Variants in SPATA13 observed in about 807,000 individuals in gnomAD.
SPATA13 encodes the protein spermatogenesis associated 13.
A neutral mutation model predicts 104.0 loss-of-function variants in SPATA13; 50 were observed. The ratio of observed to expected loss-of-function variants is 0.48; its 90% CI spans 0.38 to 0.61. The LOEUF (loss-of-function observed/expected upper bound fraction) is 0.61. Ranked by LOEUF, SPATA13 falls within the 20% of genes least tolerant of loss-of-function variation. The pLI is 0.00. For synonymous variants in SPATA13, 606 were observed against 667.5 expected (o/e 0.91, Z 1.42); for missense variants, 1,524 against 1,690.6 (o/e 0.90, Z 1.73).
At chr13:24,182,858 G>C (rs187732009) in intron 1 of SPATA13, among the ~76,000 whole-genome samples, 138 of 152,134 alleles carry the variant, frequency 9.1e-4, no homozygotes, top group African/African-American at 3.1e-3. Flanking sequence ...CACATCAGTC[G>C]GGCCAGGTAA....
At chr13:24,127,035 G>A (rs547409193) in intron 3 of SPATA13, among the ~76,000 whole-genome samples, 3 of 152,262 alleles carry the variant, frequency 2.0e-5, no homozygotes, top group African/African-American at 7.2e-5. Flanking sequence ...GACCAGTTCC[G>A]AGGTTTGTAT....
Position 24,223,605 on chromosome 13 carries a change from A to G in SPATA13, c.676A>G (p.Ile226Val), listed in dbSNP as rs1871738292. The G allele has an allele frequency of 5.8e-6, 9 of 1,551,176 alleles. No homozygotes were observed. Among genetic ancestry groups the G allele is most frequent in the Non-Finnish European group, 7.8e-6 (9 of 1,147,038 alleles). The change falls in exon 2 of 13, where the codon ATA becomes GTA. Residue 226 changes from isoleucine (I) to valine (V), a missense_variant. This residue lies in a region of SPATA13 where 1,089 missense variants were observed against 1,135.9 expected (regional missense o/e 0.96). Coordinates refer to ENST00000382108, the MANE Select transcript of SPATA13 (RefSeq NM_001166271.3). ...GCCCCAGAACCATGCGACACCCACG[A>G]TAGCCACTGGCCAGGTGCCCGCCGT... ...DAPQNHATPT[I>V]ATGQVPAVCE... is the part of the protein sequence containing the mutation.
intron 2 of SPATA13, among the ~76,000 whole-genome samples, chr13:24,246,593 C>T (rs1023967802): frequency 1.4e-4 from 21 of 152,188 alleles, no homozygotes; most frequent in African/African-American, 5.1e-4. Context: ...GGTGTGGTGG[C>T]TCACGCCTGT....
chr13:23,987,725 A>G (rs754852420), intron 2 of SPATA13, among the ~76,000 whole-genome samples: 22 of 152,040 alleles, frequency 1.4e-4, no homozygotes, highest in Non-Finnish European at 2.6e-4. Context: ...ACCTCCATCC[A>G]TCTGCAGAAC....
chr13:24,089,333 A>G (rs1566099361), intron 3 of SPATA13, among the ~76,000 whole-genome samples: 2 of 152,214 alleles, frequency 1.3e-5, no homozygotes, highest in African/African-American at 4.8e-5. Flanking sequence ...CTCGGACCAC[A>G]TTCTCACAAC....
chr13:24,192,695 C>T (rs963245318), intron 1 of SPATA13, among the ~76,000 whole-genome samples: 1 of 152,098 alleles, frequency 6.6e-6, no homozygotes, highest in South Asian at 2.1e-4. Flanking sequence ...TAGGCTTACC[C>T]GCTTCTACGG....
intron 2 of SPATA13, among the ~76,000 whole-genome samples, chr13:23,996,570 C>T (rs1477924816): frequency 6.6e-6 from 1 of 152,124 alleles, no homozygotes; most frequent in Non-Finnish European, 1.5e-5. Context: ...CAGCTGGGCT[C>T]TTGCCTTATC....
chr13:24,134,959 G>A (rs1246074676), intron 3 of SPATA13, among the ~76,000 whole-genome samples: 1 of 152,176 alleles, frequency 6.6e-6, no homozygotes, highest in African/African-American at 2.4e-5. Context: ...TTAAAAAAGT[G>A]GAGACTTAGA....
chr13:24,245,284 A>AG (rs1334572220), intron 2 of SPATA13, among the ~76,000 whole-genome samples: 1 of 128,888 alleles, frequency 7.8e-6, no homozygotes, highest in Non-Finnish European at 1.5e-5. Context: ...AACTTTGCTT[A>AG]AAAAAAAAAA....
At position 24,166,845 on chromosome 13, in the gene SPATA13, G is replaced by A. The variant is rs57792784; in HGVS notation, c.-112+5913G>A. Among the ~76,000 whole-genome samples, 934 of 152,264 alleles carry A rather than the reference G, an allele frequency of 6.1e-3. 24 individuals carry two copies. The highest frequency in any genetic ancestry group is 0.059 in the East Asian group (303 of 5,172). ...TTATGAGGGCATTAATCTCCTTCAC[G>A]AGAGGGGAGCCCTCATGATTTAATC... On this transcript the variant is annotated intron_variant, in intron 1 of 12. Coordinates refer to ENST00000382108, the MANE Select transcript of SPATA13 (RefSeq NM_001166271.3).
chr13:24,028,462 T>C (rs1877333824), intron 3 of SPATA13, among the ~76,000 whole-genome samples: 1 of 152,240 alleles, frequency 6.6e-6, no homozygotes, highest in Non-Finnish European at 1.5e-5. Flanking sequence ...CCTGACTCCC[T>C]TGGTTGCAGT....
chr13:24,210,924 T>C (rs546475482), intron 1 of SPATA13, among the ~76,000 whole-genome samples: 7 of 152,318 alleles, frequency 4.6e-5, no homozygotes, highest in African/African-American at 1.7e-4. Flanking sequence ...CTTTCATCAA[T>C]GTTTTATAGG....
chr13:23,981,730 A>C (rs1593254871), intron 1 of SPATA13, among the ~76,000 whole-genome samples: 1 of 152,178 alleles, frequency 6.6e-6, no homozygotes, highest in African/African-American at 2.4e-5. Flanking sequence ...CTCATGTCTC[A>C]CGGCCAGTCA....
chr13:24,288,435 A>C (rs1876110376), intron 7 of SPATA13, among the ~76,000 whole-genome samples: 1 of 152,150 alleles, frequency 6.6e-6, no homozygotes, highest in African/African-American at 2.4e-5. Context: ...TTTTCTTCTT[A>C]TCCCACTAGC....
At chr13:24,089,296 A>G (rs1879839259) in intron 3 of SPATA13, among the ~76,000 whole-genome samples, 1 of 152,092 alleles carries the variant, frequency 6.6e-6, no homozygotes, top group South Asian at 2.1e-4. Context: ...CTATGACCAT[A>G]TTTGCATGGG....
chr13:24,302,551 C>A, intron 12 of SPATA13, 47 bp from the exon 13 acceptor site: 1 of 1,244,798 alleles, frequency 8.0e-7, no homozygotes. Context: ...TTCTGGTTAA[C>A]AAGCGACCCT....
intron 3 of SPATA13, among the ~76,000 whole-genome samples, chr13:24,095,776 A>G (rs4640031): frequency 0.9 from 136,622 of 152,196 alleles, 62,084 homozygotes; most frequent in Non-Finnish European, 0.97. Flanking sequence ...TCCTGTCCCA[A>G]ACAAGTGTTG....
chr13:24,240,982 G>C (rs554926277), intron 2 of SPATA13, among the ~76,000 whole-genome samples: 1 of 142,642 alleles, frequency 7.0e-6, no homozygotes, highest in Non-Finnish European at 1.5e-5. Flanking sequence ...TATGATAGTT[G>C]CTTCTTTTTT....
chr13:24,016,367 C>T (rs1164733170), intron 2 of SPATA13, among the ~76,000 whole-genome samples: 1 of 152,214 alleles, frequency 6.6e-6, no homozygotes, highest in Admixed American at 6.5e-5. Flanking sequence ...CCAGATGTGA[C>T]ATCTTCCCAT....
Sources: gnomAD v4.1 joint callset for allele counts (sites outside exome capture counted in the v4.1 genomes callset) on GRCh38, gnomAD v4.1.1 for gene constraint, gnomAD v4.1.1 regional missense constraint, MANE v1.5 for transcripts, NCBI Gene and HGNC (gene_info 2026-07-23, HGNC 2026-07-21) for gene names.